The following MX2 variants were observed in gnomAD, a reference collection of about 807,000 sequenced individuals.
MX2 encodes MX dynamin like GTPase 2, also known as interferon-induced GTP-binding protein Mx2.
MX2 carries 51 observed loss-of-function variants against 74.0 expected under a neutral mutation model. The observed-to-expected ratio is 0.69, with a 90% confidence interval of 0.55 to 0.87. The LOEUF (loss-of-function observed/expected upper bound fraction) is 0.87, where lower values mean the gene tolerates loss of function less well. Ranked by LOEUF, MX2 falls within the 40% of genes least tolerant of loss-of-function variation. MX2 has a pLI of 0.00. For missense variants in MX2, 832 were observed against 908.7 expected, an observed-to-expected ratio of 0.92 and a Z score of 1.09; for synonymous variants, 369 against 339.3, an observed-to-expected ratio of 1.09 and a Z score of -0.96.
chr21:41,381,852 T>G (rs777972840), intron 4 of MX2, among the ~76,000 whole-genome samples: 2 of 152,174 alleles, frequency 1.3e-5, no homozygotes, highest in Non-Finnish European at 2.9e-5. Context: ...CAGGAGGCCA[T>G]ACTTCCTTAC....
At chr21:41,393,929 A>G (rs897395499) in intron 6 of MX2, among the ~76,000 whole-genome samples, 1 of 152,148 alleles carries the variant, frequency 6.6e-6, no homozygotes, top group Admixed American at 6.5e-5. Flanking sequence ...GTCCCACTTG[A>G]GTCCTCCCTC....
In MX2 at chr21:41,399,266, C is replaced by T. The variant is rs771254066; in HGVS notation, c.1343C>T (p.Thr448Ile). Residue 448 changes from threonine (T) to isoleucine (I), a missense_variant, in exon 10 of 14, where the codon ACC becomes ATC. Coordinates refer to ENST00000330714, the MANE Select transcript of MX2 (RefSeq NM_002463.2). ...EGEEVVRENETRLYNKIREDF... is the reference protein window; with the variant it reads ...EGEEVVRENEIRLYNKIREDF... ...GAAGAAGTTGTAAGGGAGAATGAGA[C>T]CCGTTTATACAACAAAATCAGAGAG... 9.3e-6 allele frequency: 15 copies of T among 1,613,674 alleles called. No individual in the cohort carries two copies. Among genetic ancestry groups the T allele is most frequent in the Non-Finnish European group, 1.2e-5 (14 of 1,179,594 alleles).
chr21:41,390,665 T>C lies in MX2; in HGVS notation c.833T>C (p.Met278Thr). ...ATTGCCACCACGGAGGCGCTGAGCA[T>C]GGCCCATGAGGTGGACCCGGAAGGG... The part of the protein sequence containing the change: ...VDIATTEALS[M>T]AHEVDPEGDR... The change falls in exon 6 of 14, where the codon ATG becomes ACG. Residue 278 changes from methionine (M) to threonine (T), a missense_variant. Met to Thr is a moderately conservative substitution (Grantham distance 81). Transcript: ENST00000330714. The C allele has an allele frequency of 8.7e-6, 14 of 1,614,132 alleles. No homozygotes were observed. Among genetic ancestry groups the C allele is most frequent in the Non-Finnish European group, 1.1e-5 (13 of 1,180,018 alleles).
At chr21:41,394,369 C>T (rs1386248256) in intron 6 of MX2, among the ~76,000 whole-genome samples, 1 of 152,120 alleles carries the variant, frequency 6.6e-6, no homozygotes, top group Non-Finnish European at 1.5e-5. Flanking sequence ...CCTTCTCCCT[C>T]CCCACTAGGC....
At position 41,368,650 on chromosome 21, in the gene MX2, G is replaced by T. The variant is rs2089288839; in HGVS notation, c.-72+6595G>T. Among the ~76,000 whole-genome samples the T allele has an allele frequency of 6.6e-6, 1 of 152,162 alleles. No individual in the cohort carries two copies. Among genetic ancestry groups the T allele is most frequent in the Non-Finnish European group, 1.5e-5 (1 of 68,034 alleles). ...TGCCCTTCATGAAAATGAGGGTGAG[G>T]GTGAGGGTGGCGACAGTTTTAAATA... is the stretch of plus-strand genomic sequence containing the variant. On this transcript the variant is annotated intron_variant, in intron 1 of 13. Coordinates refer to ENST00000330714, the MANE Select transcript of MX2 (RefSeq NM_002463.2). This position sits in a 1 kb window ranked among gnomAD's most constrained non-coding sequence, Gnocchi z 4.6.
chr21:41,394,309 C>T (rs955875204), intron 6 of MX2, among the ~76,000 whole-genome samples: 8 of 152,142 alleles, frequency 5.3e-5, no homozygotes, highest in African/African-American at 1.9e-4. Flanking sequence ...CATGACCCTC[C>T]AATACGGCTC....
Position 41,399,003 on chromosome 21 carries a change from T to C in MX2, c.1256T>C (p.Met419Thr). ...ADIPSQEADK[M>T]FFLIEKIKMF... is the part of the protein sequence containing the mutation. Reference sequence around the variant, plus strand: ...ATCCCCAGCCAGGAGGCCGACAAGATGTTCTTTCTAATTGAGGTGAGGATT... The same window carrying C: ...ATCCCCAGCCAGGAGGCCGACAAGACGTTCTTTCTAATTGAGGTGAGGATT... The change falls in exon 9 of 14, where the codon ATG (methionine) becomes ACG (threonine). Residue 419 changes from methionine (M) to threonine (T), a missense_variant. Coordinates refer to ENST00000330714, the MANE Select transcript of MX2 (RefSeq NM_002463.2). 3.1e-6 allele frequency: 5 copies of C among 1,613,510 alleles called. No homozygotes were observed. Among genetic ancestry groups the C allele is most frequent in the Non-Finnish European group, 4.2e-6 (5 of 1,179,574 alleles).
intron 7 of MX2, 114 bp from the exon 8 acceptor site, chr21:41,397,499 C>T: frequency 1.2e-6 from 1 of 868,676 alleles, no homozygotes; most frequent in East Asian, 2.7e-5. Flanking sequence ...CTTGGCTTTT[C>T]TGATGGCACG....
In MX2 at chr21:41,368,329, G is replaced by A. The variant is rs1007486984; in HGVS notation, c.-72+6274G>A. 1.3e-5 allele frequency among the ~76,000 whole-genome samples: 2 copies of A among 152,192 alleles called. No homozygotes were observed. Among genetic ancestry groups the A allele is most frequent in the African/African-American group, 4.8e-5 (2 of 41,444 alleles). On this transcript the variant is annotated intron_variant, in intron 1 of 13. Coordinates refer to ENST00000330714, the MANE Select transcript of MX2 (RefSeq NM_002463.2). This position sits in a 1 kb window ranked among gnomAD's most constrained non-coding sequence, Gnocchi z 4.6. ...AGTCCACTCACACAGACACACTGTA[G>A]CCATTTCTGAAGATTGTGCAGGGGA...
intron 10 of MX2, among the ~76,000 whole-genome samples, chr21:41,400,372 C>G (rs968127561): frequency 4.6e-5 from 7 of 152,114 alleles, no homozygotes; most frequent in Non-Finnish European, 8.8e-5. Context: ...TCATCCCAAT[C>G]CCCCTTCTCT....
chr21:41,397,522 G>A, intron 7 of MX2, 91 bp from the exon 8 acceptor site: 2 of 1,140,920 alleles, frequency 1.8e-6, no homozygotes. Flanking sequence ...TTGCCCCGGG[G>A]AGCTGGGCTC....
At position 41,377,084 on chromosome 21, in the gene MX2, G is replaced by A. The variant is rs529200110; in HGVS notation, c.178G>A (p.Ala60Thr). ...QGAEKDAAFL[A>T]KDFNFLTLNN... ...GGCAGAGAAGGACGCTGCTTTCCTC[G>A]CCAAGGACTTCAACTTTCTCACTTT... is the stretch of plus-strand genomic sequence containing the variant. The change falls in exon 2 of 14, where the codon GCC becomes ACC. Residue 60 changes from alanine (A) to threonine (T), a missense_variant. By Grantham distance (58) the Ala-to-Thr change is moderately conservative (BLOSUM62 0). Coordinates refer to ENST00000330714, the MANE Select transcript of MX2 (RefSeq NM_002463.2). The A allele has an allele frequency of 6.1e-5, 98 of 1,614,182 alleles. 2 individuals carry two copies. The South Asian group carries it at 8.5e-4, about 14-fold the overall frequency.
intron 5 of MX2, among the ~76,000 whole-genome samples, chr21:41,385,661 C>T (rs2089561451): frequency 1.3e-5 from 2 of 152,072 alleles, no homozygotes; most frequent in Non-Finnish European, 2.9e-5. Flanking sequence ...TATTTAGAGG[C>T]CACTATAGAG....
At chr21:41,395,894 T>C (rs1027613732) in intron 7 of MX2, 109 bp downstream of exon 7, 1 of 1,075,946 alleles carries the variant, frequency 9.3e-7, no homozygotes, top group Non-Finnish European at 1.4e-6. Flanking sequence ...CACAAGGTAG[T>C]ATAACCTAGC....
At chr21:41,377,352 G>A (rs374261071) in intron 2 of MX2, among the ~76,000 whole-genome samples, 197 bp downstream of exon 2, 3 of 152,350 alleles carry the variant, frequency 2.0e-5, no homozygotes, top group South Asian at 4.1e-4. Context: ...CTGCTGCGAC[G>A]TGGGTCTGGG....
At chr21:41,401,818 A>G (rs185033291) in intron 10 of MX2, 152 bp from the exon 11 acceptor site, 8 of 732,254 alleles carry the variant, frequency 1.1e-5, no homozygotes, top group Non-Finnish European at 1.1e-5. Context: ...CTGTTATTAG[A>G]CCATGAATAT....
Position 41,388,708 on chromosome 21 carries a change from C to T in MX2, c.733-1857C>T, listed in dbSNP as rs2089614774. Among the ~76,000 whole-genome samples, 1 of 152,222 alleles carries T rather than the reference C, an allele frequency of 6.6e-6. No homozygotes were observed. Among genetic ancestry groups the T allele is most frequent in the African/African-American group, 2.4e-5 (1 of 41,456 alleles). On this transcript the variant is annotated intron_variant, in intron 5 of 13. Coordinates refer to ENST00000330714, the MANE Select transcript of MX2 (RefSeq NM_002463.2). The surrounding 1 kb of genome is among the most constrained non-coding windows in gnomAD (Gnocchi z 4.0). ...GTGCTCTTTATGGTCACCCCCTCTC[C>T]AGGCAAACTGTTCCGGGGAGCATTT...
chr21:41,406,770 A>C lies in MX2; in HGVS notation c.1677A>C (p.Lys559Asn). 3 of 1,614,246 alleles carry C rather than the reference A, an allele frequency of 1.9e-6. No homozygotes were observed. Among genetic ancestry groups the C allele is most frequent in the Non-Finnish European group, 2.5e-6 (3 of 1,180,036 alleles). The change falls in exon 13 of 14, where the codon AAA becomes AAC. Residue 559 changes from lysine (K) to asparagine (N), a missense_variant. Lys to Asn is a moderately conservative substitution (Grantham distance 94, BLOSUM62 0). Transcript: ENST00000330714. ...GCACGATTGAAGACATAAAAGTGAA[A>C]CACACAGCAAAGGCAGAAAACATGA... ...VQSTIEDIKV[K>N]HTAKAENMIQ...
In MX2 at chr21:41,390,668, C is replaced by T. The variant is rs2089646322; in HGVS notation, c.836C>T (p.Ala279Val). The T allele has an allele frequency of 6.2e-7, 1 of 1,614,004 alleles. No individual in the cohort carries two copies. The highest frequency in any genetic ancestry group is 1.7e-5 in the Admixed American group (1 of 59,986). ...DIATTEALSM[A>V]HEVDPEGDRT... Reference sequence around the variant, plus strand: ...GCCACCACGGAGGCGCTGAGCATGGCCCATGAGGTGGACCCGGAAGGGGAC... The same window carrying T: ...GCCACCACGGAGGCGCTGAGCATGGTCCATGAGGTGGACCCGGAAGGGGAC... Residue 279 changes from alanine to valine, a missense_variant, in exon 6 of 14, where the codon GCC becomes GTC. Ala to Val is a moderately conservative substitution (Grantham distance 64). Transcript: ENST00000330714.
Sources: allele counts gnomAD v4.1 joint callset (sites outside exome capture counted in the v4.1 genomes callset), GRCh38; gene constraint gnomAD v4.1.1; non-coding constraint Gnocchi (gnomAD v3.1); transcripts MANE v1.5; gene names NCBI Gene and HGNC (gene_info 2026-07-23, HGNC 2026-07-21).